AFF1: variants seen among roughly 807,000 people sequenced by gnomAD.
AFF1 encodes the protein ALF transcription elongation factor 1.
AFF1 carries 48 observed loss-of-function variants against 121.7 expected under a neutral mutation model. The observed-to-expected ratio is 0.39, with a 90% confidence interval of 0.31 to 0.50. The LOEUF (loss-of-function observed/expected upper bound fraction) is 0.50. AFF1 is among the 20% of genes least tolerant of loss of function. The pLI is 0.76. For synonymous variants in AFF1, 613 were observed against 563.0 expected (o/e 1.09, Z -1.26); for missense variants, 1,523 against 1,511.7 (o/e 1.01, Z -0.12).
intron 8 of AFF1, among the ~76,000 whole-genome samples, chr4:87,099,433 A>AG (rs1436754664): frequency 6.6e-6 from 1 of 152,098 alleles, no homozygotes; most frequent in Non-Finnish European, 1.5e-5. Flanking sequence ...TTTTTGAGAC[A>AG]GGGTCTCATT....
chr4:87,128,385 A>G (rs1232772257), intron 16 of AFF1, among the ~76,000 whole-genome samples: 1 of 152,238 alleles, frequency 6.6e-6, no homozygotes, highest in Non-Finnish European at 1.5e-5. Flanking sequence ...CACTACTGCA[A>G]TAATGAGATA....
At chr4:87,033,602 G>A (rs193193348) in intron 2 of AFF1, among the ~76,000 whole-genome samples, 1 of 152,194 alleles carries the variant, frequency 6.6e-6, no homozygotes, top group Admixed American at 6.5e-5. Flanking sequence ...GTAGAAGTTA[G>A]TTGTTTCTTA....
Position 87,114,660 on chromosome 4 carries a change from C to G in AFF1, c.1827C>G (p.Thr609=), listed in dbSNP as rs750264930. ...CCCCACAAAGGCAAACCGTTGGAAC[C>G]AAACAACCCAAAAAACCTGTCAAGG... ...QEPPQRQTVG[T]KQPKKPVKAS... Residue 609 remains threonine, a synonymous_variant, in exon 12 of 21, where the codon ACC becomes ACG. Transcript: ENST00000395146. 2 of 1,613,224 alleles carry G rather than the reference C, an allele frequency of 1.2e-6. No homozygotes were observed. Among genetic ancestry groups the G allele is most frequent in the Admixed American group, 1.7e-5 (1 of 59,924 alleles).
At chr4:87,005,496 A>C (rs527352444) in intron 2 of AFF1, among the ~76,000 whole-genome samples, 1 of 152,336 alleles carries the variant, frequency 6.6e-6, no homozygotes, top group South Asian at 2.1e-4. Context: ...TTCCTCAAAG[A>C]AACAGGCTCA....
chr4:87,079,529 T>G (rs1389771370), intron 4 of AFF1, among the ~76,000 whole-genome samples: 1 of 152,204 alleles, frequency 6.6e-6, no homozygotes, highest in Non-Finnish European at 1.5e-5. Context: ...AAAAAATGTT[T>G]TAGGTTATGC....
At chr4:87,043,367 C>CTTA (rs758670641) in intron 2 of AFF1, among the ~76,000 whole-genome samples, 2 of 152,164 alleles carry the variant, frequency 1.3e-5, no homozygotes, top group Admixed American at 1.3e-4. Flanking sequence ...AGAATAGAAG[C>CTTA]TTAGATGCTC....
chr4:87,115,908 T>C (rs1038338212), intron 12 of AFF1, among the ~76,000 whole-genome samples: 1 of 152,148 alleles, frequency 6.6e-6, no homozygotes, highest in African/African-American at 2.4e-5. Context: ...TAAGACACGA[T>C]GCCCAGCCTC....
At chr4:87,018,836 A>G (rs1308959917) in intron 2 of AFF1, among the ~76,000 whole-genome samples, 2 of 152,248 alleles carry the variant, frequency 1.3e-5, no homozygotes, top group African/African-American at 4.8e-5. Context: ...ATGTAAACAC[A>G]TTAAACAAGT....
rs1431903901 is a variant in AFF1, at chr4:87,111,307, G to C, written c.1533+2992G>C. ...GCTGGGATTACAGGCGTGAGCCACCGCGCCCGGCCTTACTTAAACTTTATT... is the reference window on the plus strand; with the variant it reads ...GCTGGGATTACAGGCGTGAGCCACCCCGCCCGGCCTTACTTAAACTTTATT... On this transcript the variant is annotated intron_variant, in intron 11 of 20. Coordinates refer to ENST00000395146, the MANE Select transcript of AFF1 (RefSeq NM_001166693.3). Among the ~76,000 whole-genome samples, 2 of 147,728 alleles carry C rather than the reference G, an allele frequency of 1.4e-5. 1 individual carries two copies. The highest frequency in any genetic ancestry group is 5.0e-5 in the African/African-American group (2 of 40,102).
chr4:87,108,093 C>T (rs1726100802), intron 10 of AFF1, 66 bp from the exon 11 acceptor site: 3 of 1,561,280 alleles, frequency 1.9e-6, no homozygotes, highest in South Asian at 1.2e-5. Flanking sequence ...GGAAAATGGG[C>T]AAGGGAGAAA....
chr4:87,001,207 CTTTTTT>C (rs34072831), intron 2 of AFF1, among the ~76,000 whole-genome samples: 21 of 60,314 alleles, frequency 3.5e-4, no homozygotes, highest in African/African-American at 6.7e-4. Flanking sequence ...CCTTTTTCTA[CTTTTTT>C]TTTTTTTTTT....
At chr4:87,120,175 G>T (rs1299659476) in intron 12 of AFF1, among the ~76,000 whole-genome samples, 1 of 152,182 alleles carries the variant, frequency 6.6e-6, no homozygotes, top group Non-Finnish European at 1.5e-5. Flanking sequence ...CTTTTCTGTA[G>T]CACTCACCCC....
chr4:87,035,675 A>T (rs1729498596), intron 2 of AFF1, among the ~76,000 whole-genome samples: 1 of 152,196 alleles, frequency 6.6e-6, no homozygotes, highest in South Asian at 2.1e-4. Flanking sequence ...AAAATCAGTG[A>T]CGCAGCTTTG....
intron 2 of AFF1, among the ~76,000 whole-genome samples, chr4:86,998,606 C>T (rs1411769086): frequency 1.3e-5 from 2 of 152,126 alleles, no homozygotes; most frequent in Non-Finnish European, 2.9e-5. Flanking sequence ...GGGATACTAA[C>T]AAACATACTG....
At chr4:86,975,828 A>G (rs1400634965) in intron 2 of AFF1, among the ~76,000 whole-genome samples, 2 of 152,200 alleles carry the variant, frequency 1.3e-5, no homozygotes, top group African/African-American at 2.4e-5. Flanking sequence ...AAATTGACCT[A>G]TGAGAAGTAC....
At chr4:87,079,276 G>A (rs1722947490) in intron 4 of AFF1, among the ~76,000 whole-genome samples, 3 of 152,158 alleles carry the variant, frequency 2.0e-5, no homozygotes, top group Admixed American at 1.3e-4. Flanking sequence ...TGTTTCTTCA[G>A]CCAGCTCTTT....
At chr4:86,937,682 TG>T in intron 1 of AFF1, among the ~76,000 whole-genome samples, 1 of 151,322 alleles carries the variant, frequency 6.6e-6, no homozygotes, top group Admixed American at 6.7e-5. Context: ...CCTGGGCTCA[TG>T]GGATCCTCCC....
chr4:87,119,080 G>A (rs1487386373), intron 12 of AFF1, among the ~76,000 whole-genome samples: 1 of 152,030 alleles, frequency 6.6e-6, no homozygotes, highest in African/African-American at 2.4e-5. Context: ...GTCAGGGTGG[G>A]TGGGCCTTAG....
chr4:86,937,298 T>G (rs1386011369), intron 1 of AFF1, among the ~76,000 whole-genome samples: 1 of 152,190 alleles, frequency 6.6e-6, no homozygotes, highest in Non-Finnish European at 1.5e-5. Context: ...GATTGAAAAT[T>G]TATGACAAAA....
Sources: allele counts gnomAD v4.1 joint callset (sites outside exome capture counted in the v4.1 genomes callset), GRCh38; gene constraint gnomAD v4.1.1; transcripts MANE v1.5; gene names NCBI Gene and HGNC (gene_info 2026-07-23, HGNC 2026-07-21).